LCOR: variants seen among roughly 807,000 people sequenced by gnomAD.
LCOR encodes the protein ligand-dependent corepressor.
In LCOR, 14 loss-of-function variants were observed where a neutral mutation model predicts 64.4. The ratio of observed to expected loss-of-function variants is 0.22; its 90% CI spans 0.14 to 0.34. The LOEUF is 0.34. Among genes scored for constraint, LCOR ranks in the 10% least tolerant of loss-of-function variants. The pLI is 1.00. For synonymous variants in LCOR, 643 were observed against 642.5 expected (o/e 1.00, Z -0.01); for missense variants, 1,686 against 1,765.3 (o/e 0.96, Z 0.80).
At chr10:96,975,664 G>A (rs916764873) in intron 7 of LCOR, among the ~76,000 whole-genome samples, 1 of 151,154 alleles carries the variant, frequency 6.6e-6, no homozygotes, top group African/African-American at 2.4e-5. Context: ...CATCTGCTTG[G>A]GAAGCTAAGA....
At chr10:96,854,323 TCA>T in intron 2 of LCOR, among the ~76,000 whole-genome samples, 1 of 152,058 alleles carries the variant, frequency 6.6e-6, no homozygotes, top group African/African-American at 2.4e-5. Context: ...TCAGAAAGCA[TCA>T]GTTTTCATTT....
intron 4 of LCOR, among the ~76,000 whole-genome samples, chr10:96,921,401 A>G (rs558293351): frequency 3.9e-5 from 6 of 152,240 alleles, no homozygotes; most frequent in African/African-American, 9.6e-5. Context: ...TCTTCAATCT[A>G]TTTTGAGTAA....
intron 2 of LCOR, among the ~76,000 whole-genome samples, chr10:96,883,958 A>G (rs2134422765): frequency 6.6e-6 from 1 of 152,344 alleles, no homozygotes; most frequent in East Asian, 1.9e-4. Flanking sequence ...AAACAGTGAT[A>G]TAGATAGCTC....
intron 7 of LCOR, among the ~76,000 whole-genome samples, chr10:96,976,501 A>T (rs190071027): frequency 6.6e-6 from 1 of 152,124 alleles, no homozygotes; most frequent in Non-Finnish European, 1.5e-5. Context: ...GTGGCTGTCT[A>T]ATGGGGACTA....
chr10:96,958,060 A>G (rs1847813494), intron 7 of LCOR: 2 of 1,045,800 alleles, frequency 1.9e-6, no homozygotes, highest in South Asian at 4.5e-5. Context: ...TTATGAAGGA[A>G]TGCCTCCTTT....
At chr10:96,889,672 T>G (rs910853528) in intron 2 of LCOR, among the ~76,000 whole-genome samples, 3 of 152,230 alleles carry the variant, frequency 2.0e-5, no homozygotes, top group African/African-American at 7.2e-5. Flanking sequence ...ACAGCCACAC[T>G]GGGGTTAGGG....
chr10:96,944,507 CT>C (rs1291438215), intron 5 of LCOR, among the ~76,000 whole-genome samples: 2 of 151,338 alleles, frequency 1.3e-5, no homozygotes, highest in East Asian at 3.9e-4. Context: ...ATTTTAAGCT[CT>C]CAGTAGTACT....
rs1435640938 is a variant in LCOR, at chr10:96,981,800, C to T, written c.1340C>T (p.Thr447Ile). The change falls in exon 8 of 8, where the codon ACC becomes ATC. Residue 447 changes from threonine (T) to isoleucine (I), a missense_variant. By Grantham distance (89) the Thr-to-Ile change is moderately conservative (BLOSUM62 -1). Around this residue, in one of 3 missense-constraint regions of LCOR, gnomAD observed 1,293 missense variants for 1,410.4 expected, o/e 0.92. Transcript: ENST00000421806. ...NGHSRTKMIS[T>I]SIKTARKSKR... is the part of the protein sequence containing the mutation. ...CACTCAAGAACCAAGATGATATCAA[C>T]CTCCATCAAGACAGCTCGGAAAAGT... 4 of 1,614,176 alleles carry T rather than the reference C, an allele frequency of 2.5e-6. No individual in the cohort carries two copies. The highest frequency in any genetic ancestry group is 3.4e-6 in the Non-Finnish European group (4 of 1,180,040).
intron 2 of LCOR, among the ~76,000 whole-genome samples, chr10:96,888,500 G>C (rs913346035): frequency 6.6e-6 from 1 of 151,616 alleles, no homozygotes; most frequent in Non-Finnish European, 1.5e-5. Flanking sequence ...TTTCTGATAG[G>C]ATCAGTAGTG....
chr10:96,955,387 C>G (rs1483624403), intron 7 of LCOR: 1 of 1,614,008 alleles, frequency 6.2e-7, no homozygotes, highest in South Asian at 1.1e-5. Context: ...TTAAAGATAC[C>G]ACAAGTTCGA....
rs1006104248 is a variant in LCOR, at chr10:96,944,124, C to T, written c.-172C>T. 44 of 985,386 alleles carry T rather than the reference C, an allele frequency of 4.5e-5. No homozygotes were observed. The highest frequency in any genetic ancestry group is 5.1e-5 in the Non-Finnish European group (42 of 829,862). The allele number at this position is 985,386 out of a possible 1,614,324, so 61.0% of individuals were successfully genotyped here. A position where few individuals can be genotyped will look rare whatever the true frequency, so the allele number is the denominator to read the frequency against. On this transcript the variant is annotated 5_prime_UTR_variant, in exon 5 of 8. Transcript: ENST00000421806. ...AAGTATTTTTGCAGGGACACTTAGT[C>T]GGTCTGGATGAACCAGCTTCGGGAG...
intron 4 of LCOR, among the ~76,000 whole-genome samples, chr10:96,920,154 G>C (rs1847022689): frequency 6.6e-6 from 1 of 150,786 alleles, no homozygotes; most frequent in South Asian, 2.1e-4. Flanking sequence ...GCCCTCATTT[G>C]TTTTCTTCCG....
rs1848229302 is a variant in LCOR at position 96,994,770 on chromosome 10, TC to T, written c.*9640del. On this transcript the variant is annotated 3_prime_UTR_variant, in exon 8 of 8. Transcript: ENST00000421806. ...AAGTCTTATTACCTTGTATGAAAAA[TC>T]CCCATATTAGCCTCACTTAATCTCA... The T allele has an allele frequency of 2.0e-5, 3 of 152,140 alleles. No homozygotes were observed. The highest frequency in any genetic ancestry group is 1.3e-4 in the Admixed American group (2 of 15,278). The allele number at this position is 152,140 out of a possible 1,614,324, so 9.4% of individuals were successfully genotyped here. A position where few individuals can be genotyped will look rare whatever the true frequency, so the allele number is the denominator to read the frequency against.
intron 4 of LCOR, among the ~76,000 whole-genome samples, chr10:96,926,157 A>G (rs377222508): frequency 3.9e-5 from 6 of 152,322 alleles, no homozygotes; most frequent in African/African-American, 1.2e-4. Flanking sequence ...TTGTTGATAC[A>G]CATACCCCCT....
At chr10:96,914,454 C>T (rs961186024) in intron 4 of LCOR, among the ~76,000 whole-genome samples, 2 of 152,220 alleles carry the variant, frequency 1.3e-5, no homozygotes, top group African/African-American at 4.8e-5. Context: ...GCCTCGGCCT[C>T]CCAAAGTGCT....
chr10:96,941,802 CAG>C (rs1340765706), intron 4 of LCOR, among the ~76,000 whole-genome samples: 9 of 137,292 alleles, frequency 6.6e-5, no homozygotes, highest in African/African-American at 2.2e-4. Flanking sequence ...ACATCCCAGA[CAG>C]GGCGGCGGGG....
intron 4 of LCOR, among the ~76,000 whole-genome samples, chr10:96,920,024 T>C (rs1322221441): frequency 6.6e-6 from 1 of 152,220 alleles, no homozygotes; most frequent in African/African-American, 2.4e-5. Context: ...ATGGAATTGT[T>C]GGATCATATG....
chr10:96,835,301 C>G (rs527290378), intron 2 of LCOR, among the ~76,000 whole-genome samples: 1 of 152,222 alleles, frequency 6.6e-6, no homozygotes, highest in Admixed American at 6.5e-5. Flanking sequence ...AAATTTTAAT[C>G]TGGTGATCAA....
rs1564626498 is a variant in LCOR at position 96,920,752 on chromosome 10, A to ATATG, written c.-184+13005_-184+13006insTATG. On this transcript the variant is annotated intron_variant, in intron 4 of 7. Coordinates refer to ENST00000421806, the MANE Select transcript of LCOR (RefSeq NM_001346516.2). The stretch of plus-strand genomic sequence containing the variant: ...TTCATATATATGTGTATATATGTAT[A>ATATG]CACACACACACACACACACACACAC... Among the ~76,000 whole-genome samples, 38 of 19,770 alleles carry ATATG rather than the reference A, an allele frequency of 1.9e-3. 4 individuals carry two copies. The highest frequency in any genetic ancestry group is 3.8e-3 in the African/African-American group (32 of 8,476). The allele number at this position is 19,770 out of a possible 152,430, so 13.0% of individuals were successfully genotyped here.
Sources: allele counts gnomAD v4.1 joint callset (sites outside exome capture counted in the v4.1 genomes callset), GRCh38; gene constraint gnomAD v4.1.1; regional missense constraint gnomAD v4.1.1; transcripts MANE v1.5; gene names NCBI Gene and HGNC (gene_info 2026-07-23, HGNC 2026-07-21).